The following ST18 variants were observed in gnomAD, a reference collection of about 807,000 sequenced individuals.
ST18 encodes suppression of tumorigenicity 18 protein.
A neutral mutation model predicts 110.0 loss-of-function variants in ST18; 50 were observed. That is an observed-to-expected ratio of 0.45 (90% CI 0.36 to 0.58). ST18 has a LOEUF of 0.58. Ranked by LOEUF, ST18 falls within the 20% of genes least tolerant of loss-of-function variation. The pLI is 0.00. For missense variants in ST18, 1,306 were observed against 1,280.1 expected (o/e 1.02, Z -0.31); for synonymous variants, 461 against 452.4 (o/e 1.02, Z -0.24).
intron 8 of ST18, among the ~76,000 whole-genome samples, chr8:52,188,783 G>C (rs2073363564): frequency 6.6e-6 from 1 of 152,166 alleles, no homozygotes; most frequent in Non-Finnish European, 1.5e-5. Context: ...GCAAGAGAAA[G>C]CAAATGGAAT....
At chr8:52,262,851 T>C (rs1172591547) in intron 2 of ST18, among the ~76,000 whole-genome samples, 1 of 152,210 alleles carries the variant, frequency 6.6e-6, no homozygotes, top group Non-Finnish European at 1.5e-5. Context: ...ATGCTCATTC[T>C]AGCCTGGGAA....
At chr8:52,287,490 G>A (rs546027323) in intron 2 of ST18, among the ~76,000 whole-genome samples, 2 of 152,276 alleles carry the variant, frequency 1.3e-5, no homozygotes, top group African/African-American at 4.8e-5. Flanking sequence ...GAATTTAAAA[G>A]CTTAGTCCAG....
chr8:52,200,633 C>T (rs1266140509), intron 8 of ST18, among the ~76,000 whole-genome samples: 1 of 152,250 alleles, frequency 6.6e-6, no homozygotes, highest in East Asian at 1.9e-4. Context: ...GGCAGGAAAG[C>T]CTGTAAGAAG....
At chr8:52,163,942 G>A (rs2062123686) in intron 13 of ST18, 44 bp downstream of exon 13, 1 of 1,495,788 alleles carries the variant, frequency 6.7e-7, no homozygotes, top group East Asian at 2.3e-5. Flanking sequence ...CTGTGCAGGA[G>A]CCTGGATGAA....
intron 6 of ST18, among the ~76,000 whole-genome samples, chr8:52,215,948 G>T (rs1464155576): frequency 1.3e-5 from 2 of 152,202 alleles, no homozygotes; most frequent in Non-Finnish European, 2.9e-5. Context: ...GGGTGAAAAT[G>T]ATGAAAACCA....
rs556659675 is a variant in ST18 at position 52,133,633 on chromosome 8, A to T, written c.2301-332T>A. ...CTCATATAGAAGGGACTTGAAAATC[A>T]GTCCACAACTTATTGCTGGGCTTCT... On this transcript the variant is annotated intron_variant, in intron 19 of 25. Transcript: ENST00000689386. 4.0e-5 allele frequency among the ~76,000 whole-genome samples: 6 copies of T among 151,674 alleles called. No individual in the cohort carries two copies. In the South Asian group the frequency reaches 1.0e-3, roughly 26 times the overall value.
rs555949771 is a variant in ST18 at position 52,285,631 on chromosome 8, G to A, written c.-464-55554C>T. 1.8e-4 allele frequency among the ~76,000 whole-genome samples: 27 copies of A among 152,318 alleles called. 1 individual carries two copies. In the East Asian group the frequency reaches 5.0e-3, roughly 28 times the overall value. ...TTCAATCTGAGAGCCTGGGGATCAAGGCTAGAATTTGAAACCACAGAGCCC... is the reference window on the plus strand; with the variant it reads ...TTCAATCTGAGAGCCTGGGGATCAAAGCTAGAATTTGAAACCACAGAGCCC... On this transcript the variant is annotated intron_variant, in intron 2 of 25. Transcript: ENST00000689386.
chr8:52,241,112 T>A (rs539627690), intron 2 of ST18, among the ~76,000 whole-genome samples: 4 of 152,248 alleles, frequency 2.6e-5, no homozygotes, highest in African/African-American at 9.6e-5. Flanking sequence ...TTCAAATGTA[T>A]GTCCTGGGCT....
intron 9 of ST18, among the ~76,000 whole-genome samples, chr8:52,179,358 T>C (rs1364181062): frequency 1.3e-5 from 2 of 152,124 alleles, no homozygotes; most frequent in Non-Finnish European, 2.9e-5. Context: ...ACACAAAAGG[T>C]GTTTGATGAG....
At chr8:52,409,811 C>T (rs1389229494), upstream of ST18, 1 of 152,254 alleles carries the variant, frequency 6.6e-6, no homozygotes, top group Admixed American at 6.5e-5. Context: ...TTACCAACCG[C>T]ACAAAGAAAA....
rs1013441521 is a variant in ST18 at position 52,116,216 on chromosome 8, T to A, written c.3003+59A>T. On this transcript the variant is annotated intron_variant, in intron 25 of 25. Coordinates refer to ENST00000689386, the MANE Select transcript of ST18 (RefSeq NM_001352837.2). ...CAGTCGTGGCAACCCCGTGGGTAGA[T>A]GCATGATGACACTGCAAATGCTTGT... 7.0e-6 allele frequency: 11 copies of A among 1,575,176 alleles called. No individual in the cohort carries two copies. The East Asian group carries it at 9.0e-5, about 13-fold the overall frequency.
intron 23 of ST18, among the ~76,000 whole-genome samples, chr8:52,120,978 C>A (rs979877644): frequency 2.6e-5 from 4 of 152,124 alleles, no homozygotes; most frequent in Non-Finnish European, 4.4e-5. Context: ...CTGCTTGTTT[C>A]TGCCAGAGCA....
chr8:52,321,560 A>G (rs1017229700), intron 2 of ST18, among the ~76,000 whole-genome samples: 2 of 152,172 alleles, frequency 1.3e-5, no homozygotes, highest in African/African-American at 4.8e-5. Context: ...GCTGATGTGG[A>G]TGGAAATTAG....
rs2055612181 is a variant in ST18, at chr8:52,142,638, G to A, written c.2168+292C>T. On this transcript the variant is annotated intron_variant, in intron 17 of 25. Transcript: ENST00000689386. The stretch of plus-strand genomic sequence containing the variant: ...ATTTGCATCAAGTGTTAGAAGGTTA[G>A]TAGAGTCCCAGAAGACAACCCTTAG... Among the ~76,000 whole-genome samples the A allele has an allele frequency of 2.6e-5, 4 of 152,204 alleles. No homozygotes were observed. In the South Asian group the frequency reaches 8.3e-4, roughly 31 times the overall value.
intron 2 of ST18, among the ~76,000 whole-genome samples, chr8:52,380,283 C>T (rs899601730): frequency 7.2e-5 from 11 of 152,106 alleles, no homozygotes; most frequent in South Asian, 2.1e-4. Flanking sequence ...ATTTTTCATT[C>T]CTTATTTTTT....
At chr8:52,261,130 A>C (rs1421929366) in intron 2 of ST18, among the ~76,000 whole-genome samples, 2 of 152,218 alleles carry the variant, frequency 1.3e-5, no homozygotes, top group African/African-American at 2.4e-5. Context: ...AGCTGCTGAC[A>C]CTGACGGCTA....
chr8:52,160,544 T>A (rs947416111), intron 14 of ST18, among the ~76,000 whole-genome samples: 1 of 152,218 alleles, frequency 6.6e-6, no homozygotes, highest in Non-Finnish European at 1.5e-5. Context: ...TTGTAAAAAA[T>A]TCATTGTCTA....
chr8:52,155,405 A>T (rs1485750462), intron 15 of ST18, among the ~76,000 whole-genome samples: 1 of 152,182 alleles, frequency 6.6e-6, no homozygotes, highest in African/African-American at 2.4e-5. Context: ...TAACAAATAA[A>T]TAATTCCTTT....
intron 2 of ST18, among the ~76,000 whole-genome samples, chr8:52,317,552 C>T (rs2096054597): frequency 6.6e-6 from 1 of 152,100 alleles, no homozygotes; most frequent in Admixed American, 6.5e-5. Context: ...TTAAATCAGC[C>T]CTAGGAAATT....
Sources: gnomAD v4.1 joint callset for allele counts (sites outside exome capture counted in the v4.1 genomes callset) on GRCh38, gnomAD v4.1.1 for gene constraint, MANE v1.5 for transcripts, NCBI Gene and HGNC (gene_info 2026-07-23, HGNC 2026-07-21) for gene names.